The following PCLO variants were observed in gnomAD, a reference collection of about 807,000 sequenced individuals.
The protein encoded by PCLO is piccolo presynaptic cytomatrix protein.
Under a neutral mutation model 427.5 loss-of-function variants are expected in PCLO, and 82 were observed. That is an observed-to-expected ratio of 0.19 (90% confidence interval 0.16 to 0.23). The LOEUF (loss-of-function observed/expected upper bound fraction) is 0.23, where lower values mean the gene tolerates loss of function less well. Among genes scored for constraint, PCLO ranks in the 10% least tolerant of loss-of-function variants. The pLI, the probability that PCLO is intolerant of heterozygous loss-of-function variation, is 1.00. For missense variants in PCLO, 6,239 were observed against 6,115.9 expected, an observed-to-expected ratio of 1.02 and a Z score of -0.67; for synonymous variants, 2,357 against 2,155.4, an observed-to-expected ratio of 1.09 and a Z score of -2.59.
intron 22 of PCLO, among the ~76,000 whole-genome samples, chr7:82,782,075 C>A (rs1027526250): frequency 3.9e-5 from 6 of 152,176 alleles, no homozygotes; most frequent in Admixed American, 1.3e-4. Flanking sequence ...TGAAGCCAGT[C>A]GGTCAGAACT....
Position 83,059,357 on chromosome 7 carries a change from A to AATATATATATATAT in PCLO, c.3300+74879_3300+74892dup, listed in dbSNP as rs752009069. Reference sequence around the variant, plus strand: ...ATATATTTTATATATACACCTTTAAAATATATATATATATATATATATAAA... The same window carrying AATATATATATATAT: ...ATATATTTTATATATACACCTTTAAAATATATATATATATATATATATATATATATATATATAAA... On this transcript the variant is annotated intron_variant, in intron 3 of 24. Transcript: ENST00000333891. Among the ~76,000 whole-genome samples, 6 of 111,810 alleles carry AATATATATATATAT rather than the reference A, an allele frequency of 5.4e-5. 1 individual carries two copies. The South Asian group carries it at 8.8e-4, about 16-fold the overall frequency. The allele number at this position is 111,810 out of a possible 152,430, so 73.4% of individuals were successfully genotyped here.
chr7:83,110,179 G>A (rs1790967650), intron 3 of PCLO, among the ~76,000 whole-genome samples: 1 of 151,126 alleles, frequency 6.6e-6, no homozygotes, highest in African/African-American at 2.4e-5. Context: ...CCTTTACAGT[G>A]TTTAAAATTC....
chr7:82,760,697 T>C lies in PCLO; in HGVS notation c.15230A>G (p.Glu5077Gly). The change falls in exon 24 of 25, where the codon GAG becomes GGG. Residue 5077 changes from glutamate (E) to glycine (G), a missense_variant. Around this residue, in one of 5 missense-constraint regions of PCLO, gnomAD observed 877 missense variants for 925.5 expected, o/e 0.95. Transcript: ENST00000333891. ...TCGAAAAGTTTCATTAAACGAAGGCTCTCGATCATGTCTGCATACTCTTGT... is the reference window on the plus strand; with the variant it reads ...TCGAAAAGTTTCATTAAACGAAGGCCCTCGATCATGTCTGCATACTCTTGT... ...KKTRVCRHDREPSFNETFRFS... is the reference protein window; with the variant it reads ...KKTRVCRHDRGPSFNETFRFS... 1 of 1,603,240 alleles carries C rather than the reference T, an allele frequency of 6.2e-7. No individual in the cohort carries two copies. Among genetic ancestry groups the C allele is most frequent in the Non-Finnish European group, 8.5e-7 (1 of 1,172,944 alleles).
intron 3 of PCLO, among the ~76,000 whole-genome samples, chr7:83,090,943 A>C (rs1379676579): frequency 6.6e-6 from 1 of 152,166 alleles, no homozygotes; most frequent in Non-Finnish European, 1.5e-5. Flanking sequence ...TCTGAGGAAT[A>C]AATTTATATA....
In PCLO at chr7:82,955,603, C is replaced by T. The variant is rs756108134; in HGVS notation, c.5350G>A (p.Glu1784Lys). 6.2e-6 allele frequency: 10 copies of T among 1,613,822 alleles called. No individual in the cohort carries two copies. The highest frequency in any genetic ancestry group is 3.3e-5 in the Admixed American group (2 of 60,004). ...SEEEELREEE[E>K]LLKEQEKQRE... ...TGCTTTTCTTGCTCCTTTAATAATT[C>T]TTCTTCCTCTCTCAATTCTTCTTCC... is the stretch of plus-strand genomic sequence containing the variant. Residue 1784 changes from glutamate (E) to lysine (K), a missense_variant, in exon 5 of 25, where the codon GAA (glutamate) becomes AAA (lysine). Glu to Lys is a moderately conservative substitution (Grantham distance 56, BLOSUM62 1). Transcript: ENST00000333891.
intron 10 of PCLO, chr7:82,868,036 T>C: frequency 2.4e-6 from 1 of 420,788 alleles, no homozygotes; most frequent in Non-Finnish European, 4.7e-6. Context: ...ATATGTGGTC[T>C]GTGTCATGTG....
Position 82,953,547 on chromosome 7 carries a change from C to T in PCLO, c.7406G>A (p.Arg2469Lys), listed in dbSNP as rs756646613. The T allele has an allele frequency of 6.2e-7, 1 of 1,613,262 alleles. No homozygotes were observed. The highest frequency in any genetic ancestry group is 2.2e-5 in the East Asian group (1 of 44,818). ...TCTTGTAACAGGTAATCCATTACTT[C>T]TCAGAACAGCTGTGGTCTCTAGAGT... is the stretch of plus-strand genomic sequence containing the variant. Reference protein sequence around the residue: ...VTTLETTAVLRSNGLPVTRIC... With the variant: ...VTTLETTAVLKSNGLPVTRIC... The change falls in exon 5 of 25, where the codon AGA (arginine) becomes AAA (lysine). Residue 2469 changes from arginine (R) to lysine (K), a missense_variant. By Grantham distance (26) the Arg-to-Lys change is conservative. This residue lies in a region of PCLO where 4,677 missense variants were observed against 4,468.4 expected (regional missense o/e 1.05). Coordinates refer to ENST00000333891, the MANE Select transcript of PCLO (RefSeq NM_033026.6).
rs1172025049 is a variant in PCLO at position 82,846,643 on chromosome 7, TAAAAC to T, written c.13764-14_13764-10del. On this transcript the variant is annotated splice_polypyrimidine_tract_variant and intron_variant, in intron 11 of 24. Transcript: ENST00000333891. The stretch of plus-strand genomic sequence containing the variant: ...ATAGCATATTGAGGTCCCTAAAAAT[TAAAAC>T]AAAACATTAAGAAAGATATTGAGGA... 3.8e-6 allele frequency: 6 copies of T among 1,574,582 alleles called. No individual in the cohort carries two copies. The highest frequency in any genetic ancestry group is 1.1e-5 in the South Asian group (1 of 87,146).
At chr7:82,901,556 A>G (rs981728492) in intron 9 of PCLO, among the ~76,000 whole-genome samples, 2 of 152,092 alleles carry the variant, frequency 1.3e-5, no homozygotes, top group African/African-American at 2.4e-5. Context: ...AATGGCAACA[A>G]AAGCCAAAAT....
intron 22 of PCLO, among the ~76,000 whole-genome samples, chr7:82,772,311 A>G (rs983716324): frequency 1.3e-5 from 2 of 152,080 alleles, no homozygotes; most frequent in African/African-American, 2.4e-5. Flanking sequence ...TTTCAAATCT[A>G]TGGTTTCACC....
chr7:82,819,343 A>G (rs570373889), intron 20 of PCLO, among the ~76,000 whole-genome samples: 10 of 152,234 alleles, frequency 6.6e-5, no homozygotes, highest in African/African-American at 2.4e-4. Context: ...AAAACACTTT[A>G]ATATAAATTT....
intron 3 of PCLO, among the ~76,000 whole-genome samples, chr7:83,097,446 CG>C (rs1198629003): frequency 3.4e-5 from 5 of 146,036 alleles, no homozygotes; most frequent in Non-Finnish European, 6.0e-5. Flanking sequence ...GGCATGAACC[CG>C]GGAGGCGGAG....
intron 3 of PCLO, among the ~76,000 whole-genome samples, chr7:82,968,182 GTAA>G (rs1795821784): frequency 6.6e-6 from 1 of 152,154 alleles, no homozygotes; most frequent in Non-Finnish European, 1.5e-5. Flanking sequence ...TGTAAATGTG[GTAA>G]AATGCTGCCA....
Position 83,156,024 on chromosome 7 carries a change from A to G in PCLO, c.617T>C (p.Ile206Thr). 1 of 1,611,066 alleles carries G rather than the reference A, an allele frequency of 6.2e-7. No homozygotes were observed. The highest frequency in any genetic ancestry group is 8.5e-7 in the Non-Finnish European group (1 of 1,179,326). Residue 206 changes from isoleucine to threonine, a missense_variant, in exon 2 of 25, where the codon ATC (isoleucine) becomes ACC (threonine). Physicochemically the swap from Ile to Thr is moderately conservative, Grantham distance 89. Transcript: ENST00000333891. ...VQKEQGKPEG[I>T]IKPPLQQQPP... ...CTGTTGTTGTAAAGGAGGTTTTATGATTCCTTCAGGTTTTCCTTGCTCCTT... is the reference window on the plus strand; with the variant it reads ...CTGTTGTTGTAAAGGAGGTTTTATGGTTCCTTCAGGTTTTCCTTGCTCCTT...
intron 3 of PCLO, among the ~76,000 whole-genome samples, chr7:83,120,577 A>G (rs1791251647): frequency 6.6e-6 from 1 of 152,128 alleles, no homozygotes. Flanking sequence ...GATACACAAA[A>G]GATCCAAAAA....
chr7:83,059,354 T>TAAAAAA (rs1356917619), intron 3 of PCLO, among the ~76,000 whole-genome samples: 20 of 90,426 alleles, frequency 2.2e-4, no homozygotes, highest in African/African-American at 3.0e-4. Context: ...TATACACCTT[T>TAAAAAA]AAAATATATA....
intron 3 of PCLO, among the ~76,000 whole-genome samples, chr7:83,104,275 G>A (rs967684486): frequency 2.0e-5 from 3 of 151,852 alleles, no homozygotes; most frequent in Non-Finnish European, 2.9e-5. Flanking sequence ...AGTCTTATTC[G>A]GTCTTAAATC....
chr7:83,134,551 G>T lies in PCLO; in HGVS notation c.2999C>A (p.Thr1000Lys), dbSNP rs750879152. 2 of 1,613,820 alleles carry T rather than the reference G, an allele frequency of 1.2e-6. No individual in the cohort carries two copies. The highest frequency in any genetic ancestry group is 2.2e-5 in the South Asian group (2 of 91,072). The change falls in exon 3 of 25, where the codon ACA becomes AAA. Residue 1000 changes from threonine (T) to lysine (K), a missense_variant. Around this residue, in one of 5 missense-constraint regions of PCLO, gnomAD observed 4,677 missense variants for 4,468.4 expected, o/e 1.05. Transcript: ENST00000333891. The stretch of plus-strand genomic sequence containing the variant: ...TAATTTTTCAGCTGCTGGGGCTTTT[G>T]TTTCCTTTTTCACAGGTATACTTTT... ...PAKSIPVKKETKAPAAEKLEP... is the reference protein window; with the variant it reads ...PAKSIPVKKEKKAPAAEKLEP...
chr7:83,155,848 G>C lies in PCLO; in HGVS notation c.793C>G (p.Pro265Ala). Residue 265 changes from proline to alanine, a missense_variant, in exon 2 of 25, where the codon CCT (proline) becomes GCT (alanine). Around this residue, in one of 5 missense-constraint regions of PCLO, gnomAD observed 4,677 missense variants for 4,468.4 expected, o/e 1.05. Transcript: ENST00000333891. Reference sequence around the variant, plus strand: ...GGCAATTTTGCATGGTCTGTCTGAGGAGTCTGGGTAGGACCCTGAATTGGC... The same window carrying C: ...GGCAATTTTGCATGGTCTGTCTGAGCAGTCTGGGTAGGACCCTGAATTGGC... Reference protein sequence around the residue: ...GKPIQGPTQTPQTDHAKLPLQ... With the variant: ...GKPIQGPTQTAQTDHAKLPLQ... 1.2e-6 allele frequency: 2 copies of C among 1,613,966 alleles called. No homozygotes were observed. Among genetic ancestry groups the C allele is most frequent in the Non-Finnish European group, 1.7e-6 (2 of 1,179,882 alleles).
Sources: gnomAD v4.1 joint callset for allele counts (sites outside exome capture counted in the v4.1 genomes callset) on GRCh38, gnomAD v4.1.1 for gene constraint, gnomAD v4.1.1 regional missense constraint, MANE v1.5 for transcripts, NCBI Gene and HGNC (gene_info 2026-07-23, HGNC 2026-07-21) for gene names.